MUC6: variants seen among roughly 807,000 people sequenced by gnomAD.
MUC6 encodes mucin 6, oligomeric mucus/gel-forming (gene/pseudogene).
MUC6 carries 188 observed loss-of-function variants against 201.5 expected under a neutral mutation model. The observed-to-expected ratio is 0.93, with a 90% CI of 0.83 to 1.05. MUC6 has a LOEUF of 1.05. Among genes scored for constraint, MUC6 ranks in the 50% least tolerant of loss-of-function variants. The pLI is 0.00. For synonymous variants in MUC6, 1,228 were observed against 1,389.4 expected (o/e 0.88, Z 2.58); for missense variants, 2,706 against 3,256.9 (o/e 0.83, Z 4.12).
chr11:1,031,034 C>T lies in MUC6; in HGVS notation c.597G>A (p.Lys199=). Residue 199 remains lysine, a synonymous_variant, in exon 6 of 33, where the codon AAG becomes AAA. Coordinates refer to ENST00000421673, the MANE Select transcript of MUC6 (RefSeq NM_005961.3). ...CGTCCAGCTTCTGGAGGGCAGCAAA[C>T]TTGTGGGGTTCCAGGAACTTGCCTG... is the stretch of plus-strand genomic sequence containing the variant. The part of the protein sequence containing the change: ...SEEGKFLEPH[K]FAALQKLDDP... The T allele has an allele frequency of 1.3e-6, 2 of 1,574,582 alleles. No homozygotes were observed. Among genetic ancestry groups the T allele is most frequent in the Non-Finnish European group, 1.7e-6 (2 of 1,162,040 alleles).
chr11:1,027,554 G>A, intron 16 of MUC6, 37 bp from the exon 17 acceptor site: 1 of 1,607,078 alleles, frequency 6.2e-7, no homozygotes, highest in Non-Finnish European at 8.5e-7. Context: ...TCCGGGAGGG[G>A]GCGGCCGGGA....
Position 1,028,776 on chromosome 11 carries a change from G to A in MUC6, c.1461C>T (p.Ile487=), listed in dbSNP as rs1421440916. 5 of 1,610,922 alleles carry A rather than the reference G, an allele frequency of 3.1e-6. No homozygotes were observed. The highest frequency in any genetic ancestry group is 3.3e-5 in the Admixed American group (2 of 59,996). Residue 487 remains isoleucine, a synonymous_variant, in exon 13 of 33, where the codon ATC becomes ATT. Coordinates refer to ENST00000421673, the MANE Select transcript of MUC6 (RefSeq NM_005961.3). ...AKWLPYKTRN[I]TVFRQTSTHL... ...GGGTGGACGTCTGCCTGAAGACCGTGATGTTGCCTGCAGGACGCAGTGCTC... is the reference window on the plus strand; with the variant it reads ...GGGTGGACGTCTGCCTGAAGACCGTAATGTTGCCTGCAGGACGCAGTGCTC...
chr11:1,032,015 G>A lies in MUC6; in HGVS notation c.154C>T (p.His52Tyr). ...KGQCSTWGAGHFSTFDHHVYD... is the reference protein window; with the variant it reads ...KGQCSTWGAGYFSTFDHHVYD... ...ACGTGGTGGTCGAAGGTGGAGAAGT[G>A]ACCAGCCCCCCACGTGGAGCACTGG... The change falls in exon 3 of 33, where the codon CAC (histidine) becomes TAC (tyrosine). Residue 52 changes from histidine (H) to tyrosine (Y), a missense_variant. Around this residue, in one of 10 missense-constraint regions of MUC6, gnomAD observed 1,850 missense variants for 1,958.3 expected, o/e 0.94. Transcript: ENST00000421673. 1 of 1,613,394 alleles carries A rather than the reference G, an allele frequency of 6.2e-7. No homozygotes were observed. The highest frequency in any genetic ancestry group is 8.5e-7 in the Non-Finnish European group (1 of 1,179,844).
At chr11:1,020,898 C>T (rs1283363951) in intron 27 of MUC6, among the ~76,000 whole-genome samples, 164 bp from the exon 28 acceptor site, 1 of 151,520 alleles carries the variant, frequency 6.6e-6, no homozygotes, top group African/African-American at 2.4e-5. Flanking sequence ...TTCTCCTTCC[C>T]AGGATGATTC....
intron 22 of MUC6, 110 bp downstream of exon 22, chr11:1,025,695 A>G (rs1038683030): frequency 5.7e-6 from 6 of 1,044,232 alleles, no homozygotes; most frequent in Non-Finnish European, 4.2e-6. Flanking sequence ...GCAGGCGGGG[A>G]GGGCTGCATC....
At chr11:1,021,323 G>C (rs774214342) in intron 26 of MUC6, 46 bp from the exon 27 acceptor site, 1 of 1,383,614 alleles carries the variant, frequency 7.2e-7, no homozygotes, top group East Asian at 2.8e-5. Context: ...TGGCCAGCCA[G>C]GCCCACCTGC....
In MUC6 at chr11:1,023,520, C is replaced by T. The variant is rs1450456912; in HGVS notation, c.3515G>A (p.Ser1172Asn). Reference protein sequence around the residue: ...CPSQPQSVPGSNIEGCYNCSQ... With the variant: ...CPSQPQSVPGNNIEGCYNCSQ... ...CGGTCACCTGGCACCTTCGATGTTGCTGCCTGGGACGCTCTGTGGCTGGCT... is the reference window on the plus strand; with the variant it reads ...CGGTCACCTGGCACCTTCGATGTTGTTGCCTGGGACGCTCTGTGGCTGGCT... Residue 1172 changes from serine (S) to asparagine (N), a missense_variant, in exon 26 of 33, where the codon AGC (serine) becomes AAC (asparagine). This residue lies in a region of MUC6 where 1,850 missense variants were observed against 1,958.3 expected (regional missense o/e 0.94). Coordinates refer to ENST00000421673, the MANE Select transcript of MUC6 (RefSeq NM_005961.3). 1 of 1,587,626 alleles carries T rather than the reference C, an allele frequency of 6.3e-7. No homozygotes were observed. Among genetic ancestry groups the T allele is most frequent in the South Asian group, 1.1e-5 (1 of 87,410 alleles).
At chr11:1,026,254 C>T in intron 20 of MUC6, 73 bp downstream of exon 20, 1 of 1,541,836 alleles carries the variant, frequency 6.5e-7, no homozygotes, top group Non-Finnish European at 8.7e-7. Flanking sequence ...GGGACAGCCC[C>T]ACCCCGGGCA....
At position 1,036,691 on chromosome 11, in the gene MUC6, C is replaced by T. The variant is rs900241116; in HGVS notation, c.-36G>A. 6.5e-6 allele frequency: 10 copies of T among 1,540,812 alleles called. No homozygotes were observed. In the Admixed American group the frequency reaches 1.4e-4, roughly 21 times the overall value. ...GGAGAGGAGCTCGCGCTGGGCCCGG[C>T]AGGCCTGCTGCTGCCATCCATGCGG... On this transcript the variant is annotated 5_prime_UTR_variant, in exon 1 of 33. Transcript: ENST00000421673.
rs996315192 is a variant in MUC6, at chr11:1,025,071, C to T, written c.2998G>A (p.Gly1000Ser). Residue 1000 changes from glycine (G) to serine (S), a missense_variant, in exon 24 of 33, where the codon GGC (glycine) becomes AGC (serine). Gly to Ser is a moderately conservative substitution (Grantham distance 56). Transcript: ENST00000421673. ...IARASQDPLCGLCGNFNGNMK... is the reference protein window; with the variant it reads ...IARASQDPLCSLCGNFNGNMK... ...TTCCCGTTGAAGTTGCCACACAAGC[C>T]GCAGAGGGGATCCTGCAGACGGTGG... 4.3e-6 allele frequency: 7 copies of T among 1,612,908 alleles called. No homozygotes were observed. Among genetic ancestry groups the T allele is most frequent in the Middle Eastern group, 1.6e-4 (1 of 6,062 alleles).
chr11:1,016,493 G>T lies in MUC6; in HGVS notation c.6308C>A (p.Pro2103Gln). 1 of 1,613,854 alleles carries T rather than the reference G, an allele frequency of 6.2e-7. No homozygotes were observed. The highest frequency in any genetic ancestry group is 8.5e-7 in the Non-Finnish European group (1 of 1,179,864). The change falls in exon 31 of 33, where the codon CCG becomes CAG. Residue 2103 changes from proline to glutamine, a missense_variant. Around this residue, in one of 10 missense-constraint regions of MUC6, gnomAD observed 586 missense variants for 488.0 expected, o/e 1.20. Coordinates refer to ENST00000421673, the MANE Select transcript of MUC6 (RefSeq NM_005961.3). Reference protein sequence around the residue: ...WLPQNSSSRPPSSPITTQLPH... With the variant: ...WLPQNSSSRPQSSPITTQLPH... ...GAGTTGTGTGGTGATAGGTGATGAC[G>T]GTGGCCTTGAGCTAGAGTTCTGAGG...
intron 26 of MUC6, among the ~76,000 whole-genome samples, chr11:1,022,891 ATGT>A (rs1856849338): frequency 6.6e-6 from 1 of 151,988 alleles, no homozygotes; most frequent in African/African-American, 2.4e-5. Context: ...GCGTGAGTGA[ATGT>A]TGAATGAATG....
chr11:1,035,980 C>T (rs1017565858), intron 1 of MUC6, among the ~76,000 whole-genome samples: 22 of 152,100 alleles, frequency 1.4e-4, no homozygotes, highest in African/African-American at 5.3e-4. Flanking sequence ...GCAGGGCAGG[C>T]GGTTGGCAGA....
chr11:1,030,366 T>TGG, intron 7 of MUC6, 31 bp from the exon 8 acceptor site: 23 of 1,489,132 alleles, frequency 1.5e-5, no homozygotes, highest in Non-Finnish European at 1.9e-5. Flanking sequence ...GGTGAGAGGG[T>TGG]CCCACCCCCC....
chr11:1,027,800 G>C lies in MUC6; in HGVS notation c.1866C>G (p.Ala622=). 6.2e-7 allele frequency: 1 copy of C among 1,611,012 alleles called. No homozygotes were observed. Among genetic ancestry groups the C allele is most frequent in the Non-Finnish European group, 8.5e-7 (1 of 1,179,486 alleles). The change falls in exon 16 of 33, where the codon GCC becomes GCG. Residue 622 remains alanine (A), a synonymous_variant. Coordinates refer to ENST00000421673, the MANE Select transcript of MUC6 (RefSeq NM_005961.3). ...GGGGAAAGGTCTCCTCGTAGTTGCA[G>C]GCCTGGTACACGCACCTCTGCGGGC... ...APFYKRCVYQ[A]CNYEETFPHI...
Position 1,030,397 on chromosome 11 carries a change from C to T in MUC6, c.893-62G>A, listed in dbSNP as rs61869013. On this transcript the variant is annotated intron_variant, in intron 7 of 32. Coordinates refer to ENST00000421673, the MANE Select transcript of MUC6 (RefSeq NM_005961.3). ...CCCCCCCACCCCTCCCTGCCCCACC[C>T]CAGCTTGATGGAGGACTTAGCCCAG... is the stretch of plus-strand genomic sequence containing the variant. 34,465 of 1,504,200 alleles carry T rather than the reference C, an allele frequency of 0.023. 494 individuals are homozygous for T. The highest frequency in any genetic ancestry group is 0.051 in the South Asian group (4,072 of 80,564). The allele number at this position is 1,504,200 out of a possible 1,614,324, so 93.2% of individuals were successfully genotyped here.
At position 1,031,074 on chromosome 11, in the gene MUC6, G is replaced by A. The variant is rs1021710584; in HGVS notation, c.575-18C>T. On this transcript the variant is annotated intron_variant, in intron 5 of 32. Coordinates refer to ENST00000421673, the MANE Select transcript of MUC6 (RefSeq NM_005961.3). ...GAACTTGCCTGGGGTGCAGAATGGG[G>A]GTCAGCACCGTGGGGGCTGGGCCTC... 2 of 1,553,540 alleles carry A rather than the reference G, an allele frequency of 1.3e-6. No homozygotes were observed. The highest frequency in any genetic ancestry group is 1.4e-5 in the African/African-American group (1 of 73,112).
At chr11:1,013,674 A>AGG in intron 32 of MUC6, 41 bp from the exon 33 acceptor site, 1 of 1,532,948 alleles carries the variant, frequency 6.5e-7, no homozygotes. Context: ...TGACTGCTGC[A>AGG]GGGGCATAAG....
chr11:1,027,072 G>A (rs201861510), intron 18 of MUC6, 22 bp from the exon 19 acceptor site: 144 of 1,605,998 alleles, frequency 9.0e-5, no homozygotes, highest in Admixed American at 2.0e-4. Flanking sequence ...AGGGGTGCGC[G>A]GTCAGGACAC....
Sources: gnomAD v4.1 joint callset for allele counts (sites outside exome capture counted in the v4.1 genomes callset) on GRCh38, gnomAD v4.1.1 for gene constraint, gnomAD v4.1.1 regional missense constraint, MANE v1.5 for transcripts, NCBI Gene and HGNC (gene_info 2026-07-23, HGNC 2026-07-21) for gene names.